KCNK10: variants seen among roughly 807,000 people sequenced by gnomAD.
KCNK10 encodes the protein potassium channel subfamily K member 10.
Under a neutral mutation model 47.7 loss-of-function variants are expected in KCNK10, and 25 were observed. The observed-to-expected ratio is 0.52, with a 90% CI of 0.38 to 0.73. The LOEUF is 0.73. KCNK10 is among the 30% of genes least tolerant of loss of function. KCNK10 has a pLI of 0.00. For missense variants in KCNK10, 563 were observed against 714.5 expected (o/e 0.79, Z 2.42); for synonymous variants, 303 against 285.6 (o/e 1.06, Z -0.61).
intron 4 of KCNK10, among the ~76,000 whole-genome samples, chr14:88,217,089 G>A (rs956971759): frequency 3.3e-5 from 5 of 152,202 alleles, no homozygotes; most frequent in East Asian, 1.9e-4. Flanking sequence ...CCCAAGAGGC[G>A]GAGGTTGCAG....
At chr14:88,228,544 T>C (rs1886060475) in intron 3 of KCNK10, among the ~76,000 whole-genome samples, 1 of 152,190 alleles carries the variant, frequency 6.6e-6, no homozygotes, top group African/African-American at 2.4e-5. Flanking sequence ...AATCTAACCA[T>C]TCTCCCAAAT....
At chr14:88,257,266 C>T (rs533166592) in intron 2 of KCNK10, among the ~76,000 whole-genome samples, 14 of 152,278 alleles carry the variant, frequency 9.2e-5, no homozygotes, top group Admixed American at 1.3e-4. Flanking sequence ...TTCCAAGCCT[C>T]GCTTAAAGCT....
chr14:88,245,991 A>G (rs1010719414), intron 2 of KCNK10, among the ~76,000 whole-genome samples: 3 of 152,172 alleles, frequency 2.0e-5, no homozygotes, highest in African/African-American at 7.2e-5. Context: ...CACAGTCAGC[A>G]AAGGGATTAT....
intron 1 of KCNK10, among the ~76,000 whole-genome samples, chr14:88,307,855 T>C (rs538668214): frequency 3.3e-5 from 5 of 152,286 alleles, no homozygotes; most frequent in South Asian, 2.1e-4. Context: ...AGCAGCATCA[T>C]TGATGTTTAT....
chr14:88,260,509 G>C lies in KCNK10; in HGVS notation c.402+2693C>G, dbSNP rs1257378413. Among the ~76,000 whole-genome samples, 2 of 152,190 alleles carry C rather than the reference G, an allele frequency of 1.3e-5. No individual in the cohort carries two copies. The highest frequency in any genetic ancestry group is 1.3e-4 in the Admixed American group (2 of 15,278). ...CAACATAAAGCACAAGTTTAAAAGA[G>C]ACTGGAGCTTATTATAAACCAAGAT... On this transcript the variant is annotated intron_variant, in intron 2 of 6. Transcript: ENST00000319231. The surrounding 1 kb of genome is among the most constrained non-coding windows in gnomAD (Gnocchi z 4.5).
chr14:88,291,617 C>A lies in KCNK10; in HGVS notation c.53-28066G>T, dbSNP rs541671622. ...TGAACTGCATACTTCATAGAATGCA[C>A]TGCTACAGGTAGGGGCATGAGAGAT... On this transcript the variant is annotated intron_variant, in intron 1 of 6. Transcript: ENST00000319231. 3.9e-5 allele frequency among the ~76,000 whole-genome samples: 6 copies of A among 152,296 alleles called. No individual in the cohort carries two copies. The South Asian group carries it at 1.2e-3, about 32-fold the overall frequency.
chr14:88,211,866 A>G (rs1442582040), intron 4 of KCNK10, among the ~76,000 whole-genome samples: 1 of 149,908 alleles, frequency 6.7e-6, no homozygotes, highest in Admixed American at 6.6e-5. Flanking sequence ...ATTGCAGTCA[A>G]GCCTGGCAAC....
intron 4 of KCNK10, among the ~76,000 whole-genome samples, chr14:88,194,964 C>T (rs1012795380): frequency 3.3e-5 from 5 of 151,414 alleles, no homozygotes; most frequent in African/African-American, 1.2e-4. Context: ...GTGCTGTGGG[C>T]GTAAGGTTTT....
intron 1 of KCNK10, among the ~76,000 whole-genome samples, chr14:88,321,189 G>C (rs1888539135): frequency 6.6e-6 from 1 of 152,090 alleles, no homozygotes. Flanking sequence ...TTCTGCCTCA[G>C]GCCCTTTGCA....
Position 88,322,696 on chromosome 14 carries a change from ACGC to A in KCNK10, c.52+48_52+50del. ...TGCTTCCACTCAAGGAAGCGCGCAC[ACGC>A]CGGAGACAGAGGCAGGGCGAGGGCA... On this transcript the variant is annotated intron_variant, in intron 1 of 6. Transcript: ENST00000319231. This position sits in a 1 kb window ranked among gnomAD's most constrained non-coding sequence, Gnocchi z 4.8. 6.2e-7 allele frequency: 1 copy of A among 1,612,216 alleles called. No homozygotes were observed. The highest frequency in any genetic ancestry group is 8.5e-7 in the Non-Finnish European group (1 of 1,178,358).
rs181336880 is a variant in KCNK10 at position 88,216,970 on chromosome 14, T to C, written c.681+10405A>G. Among the ~76,000 whole-genome samples the C allele has an allele frequency of 2.1e-3, 326 of 152,088 alleles. 3 individuals carry two copies. Among genetic ancestry groups the C allele is most frequent in the African/African-American group, 7.5e-3 (310 of 41,486 alleles). On this transcript the variant is annotated intron_variant, in intron 4 of 6. Coordinates refer to ENST00000319231, the MANE Select transcript of KCNK10 (RefSeq NM_138317.3). ...AGGAGTTCGAGACCAGCCTGGCCAATATGGTGAAACCTCGTCTCTACTAAA... is the reference window on the plus strand; with the variant it reads ...AGGAGTTCGAGACCAGCCTGGCCAACATGGTGAAACCTCGTCTCTACTAAA...
Position 88,181,982 on chromosome 14 carries a change from T to C in KCNK10, c.*3553A>G, listed in dbSNP as rs1312258153. The C allele has an allele frequency of 6.6e-6, 1 of 150,450 alleles. No homozygotes were observed. The highest frequency in any genetic ancestry group is 2.5e-5 in the African/African-American group (1 of 40,684). 9.3% of individuals were successfully genotyped at this position (150,450 alleles called of 1,614,324 possible). A position where few individuals can be genotyped will look rare whatever the true frequency, so the allele number is the denominator to read the frequency against. On this transcript the variant is annotated 3_prime_UTR_variant, in exon 7 of 7. Coordinates refer to ENST00000319231, the MANE Select transcript of KCNK10 (RefSeq NM_138317.3). ...CAGGCTATGACTGCTGGAACACAAATAGTCCTAGTTACCTTAGTAACAGGC... is the reference window on the plus strand; with the variant it reads ...CAGGCTATGACTGCTGGAACACAAACAGTCCTAGTTACCTTAGTAACAGGC...
At chr14:88,237,576 A>G (rs546828566) in intron 3 of KCNK10, among the ~76,000 whole-genome samples, 10 of 152,360 alleles carry the variant, frequency 6.6e-5, no homozygotes, top group South Asian at 6.2e-4. Context: ...TACTCCATCC[A>G]TGGGCTGAAG....
At chr14:88,226,816 C>G (rs1192281251) in intron 4 of KCNK10, among the ~76,000 whole-genome samples, 1 of 152,138 alleles carries the variant, frequency 6.6e-6, no homozygotes, top group African/African-American at 2.4e-5. Flanking sequence ...CAATCATCAA[C>G]AGTTCAGTAG....
chr14:88,204,840 T>A (rs1042124496), intron 4 of KCNK10, among the ~76,000 whole-genome samples: 1 of 152,080 alleles, frequency 6.6e-6, no homozygotes, highest in African/African-American at 2.4e-5. Flanking sequence ...ACTATCAACA[T>A]CCCATGCCAG....
At chr14:88,207,142 A>G (rs1885299635) in intron 4 of KCNK10, among the ~76,000 whole-genome samples, 1 of 148,938 alleles carries the variant, frequency 6.7e-6, no homozygotes, top group African/African-American at 2.5e-5. Context: ...TGCATACAAT[A>G]CTAGTTTCGA....
At chr14:88,269,287 ACCAT>A (rs1887346852) in intron 1 of KCNK10, among the ~76,000 whole-genome samples, 2 of 152,238 alleles carry the variant, frequency 1.3e-5, no homozygotes, top group African/African-American at 4.8e-5. Context: ...ATATTACTGC[ACCAT>A]CCATTCATTC....
chr14:88,201,166 G>C (rs1179053386), intron 4 of KCNK10, among the ~76,000 whole-genome samples: 1 of 152,182 alleles, frequency 6.6e-6, no homozygotes, highest in East Asian at 1.9e-4. Flanking sequence ...GGCAGAATCA[G>C]GGCAAGTACC....
At chr14:88,288,057 G>A (rs990214769) in intron 1 of KCNK10, among the ~76,000 whole-genome samples, 2 of 151,906 alleles carry the variant, frequency 1.3e-5, no homozygotes, top group African/African-American at 2.4e-5. Flanking sequence ...AGGCAGTATC[G>A]CTTTGTGGTT....
Sources: allele counts gnomAD v4.1 joint callset (sites outside exome capture counted in the v4.1 genomes callset), GRCh38; gene constraint gnomAD v4.1.1; non-coding constraint Gnocchi (gnomAD v3.1); transcripts MANE v1.5; gene names NCBI Gene and HGNC (gene_info 2026-07-23, HGNC 2026-07-21).